Variants in HOXA1 observed in about 807,000 individuals in gnomAD.
The protein encoded by HOXA1 is homeobox protein Hox-A1.
In HOXA1, 21 loss-of-function variants were observed where a neutral mutation model predicts 28.3. The ratio of observed to expected loss-of-function variants is 0.74; its 90% CI spans 0.53 to 1.07. HOXA1 has a LOEUF of 1.07. Ranked by LOEUF, HOXA1 falls within the 50% of genes least tolerant of loss-of-function variation. The pLI is 0.00. For synonymous variants in HOXA1, 208 were observed against 181.2 expected, an observed-to-expected ratio of 1.15 and a Z score of -1.19; for missense variants, 446 against 434.3, an observed-to-expected ratio of 1.03 and a Z score of -0.24.
chr7:27,095,589 G>T lies in HOXA1; in HGVS notation c.324C>A (p.Tyr108Ter). 1 of 1,614,188 alleles carries T rather than the reference G, an allele frequency of 6.2e-7. No individual in the cohort carries two copies. The highest frequency in any genetic ancestry group is 8.5e-7 in the Non-Finnish European group (1 of 1,180,034). Residue 108 changes from tyrosine to a stop codon, truncating the protein, a stop_gained, in exon 1 of 2, where the codon TAC becomes TAA. Transcript: ENST00000643460. LOFTEE classifies it high-confidence loss of function. ...SYGSQNFSAPYSPYALNQEAD... is the reference protein window; with the variant it reads ...SYGSQNFSAP ...CTTCCTGATTTAACGCGTAGGGGCT[G>T]TAAGGCGCACTGAAGTTCTGTGAGC...
chr7:27,094,271 G>T lies in HOXA1; in HGVS notation c.*169C>A. ...GGTGTTAACCCCGCACCAAGTCTCT[G>T]GTCCAGAATTATCTGCAAATATATT... On this transcript the variant is annotated 3_prime_UTR_variant, in exon 2 of 2. Transcript: ENST00000643460. 3.2e-6 allele frequency: 2 copies of T among 620,502 alleles called. No homozygotes were observed. 38.4% of individuals were successfully genotyped at this position (620,502 alleles called of 1,614,324 possible). A position where few individuals can be genotyped will look rare whatever the true frequency, so the allele number is the denominator to read the frequency against.
Position 27,094,607 on chromosome 7 carries a change from G to C in HOXA1, c.841C>G (p.Arg281Gly). 6.2e-7 allele frequency: 1 copy of C among 1,614,120 alleles called. No individual in the cohort carries two copies. The highest frequency in any genetic ancestry group is 8.5e-7 in the Non-Finnish European group (1 of 1,180,026). ...TTCTCACGTTTCTTTTGCTTCATTC[G>C]GCGGTTCTGGAACCAGATCTTCACT... ...TQVKIWFQNRRMKQKKREKEG... is the reference protein window; with the variant it reads ...TQVKIWFQNRGMKQKKREKEG... The change falls in exon 2 of 2, where the codon CGA (arginine) becomes GGA (glycine). Residue 281 changes from arginine (R) to glycine (G), a missense_variant. Physicochemically the swap from Arg to Gly is moderately radical, Grantham distance 125. Transcript: ENST00000643460.
At position 27,094,401 on chromosome 7, in the gene HOXA1, A is replaced by C. The variant is rs764103639; in HGVS notation, c.*39T>G. 2.4e-5 allele frequency: 33 copies of C among 1,397,122 alleles called. No homozygotes were observed. Among genetic ancestry groups the C allele is most frequent in the Non-Finnish European group, 3.2e-5 (31 of 982,798 alleles). 86.5% of individuals were successfully genotyped at this position (1,397,122 alleles called of 1,614,324 possible). On this transcript the variant is annotated 3_prime_UTR_variant, in exon 2 of 2. Transcript: ENST00000643460. ...TGCTTTGGGTAAGAAGTCCCAGCCC[A>C]AGGAGATGCCTGGGCTGTTGTCTGG...
intron 1 of HOXA1, 85 bp downstream of exon 1, chr7:27,095,176 A>G (rs1272144479): frequency 1.4e-5 from 20 of 1,440,864 alleles, no homozygotes; most frequent in Non-Finnish European, 1.6e-5. Context: ...TTTAAAAAAA[A>G]GATCATTATT....
In HOXA1 at chr7:27,095,694, G is replaced by GTGA. The variant is rs766665411; in HGVS notation, c.218_219insTCA (p.His74dup). On this transcript the variant is annotated inframe_insertion, in exon 1 of 2. Coordinates refer to ENST00000643460, the MANE Select transcript of HOXA1 (RefSeq NM_005522.5). ...TCTGGTAGGTAGCCGGCTGGGGGTGGCGATGGTGGTGGTGGTGGTGGTGGT... is the reference window on the plus strand; with the variant it reads ...TCTGGTAGGTAGCCGGCTGGGGGTGGTGACGATGGTGGTGGTGGTGGTGGTGGT... The GTGA allele has an allele frequency of 7.1e-7, 1 of 1,415,900 alleles. No individual in the cohort carries two copies. The highest frequency in any genetic ancestry group is 2.6e-5 in the East Asian group (1 of 38,996). The allele number at this position is 1,415,900 out of a possible 1,614,324, so 87.7% of individuals were successfully genotyped here.
chr7:27,095,118 C>G (rs1783788111), intron 1 of HOXA1, 143 bp downstream of exon 1: 1 of 920,754 alleles, frequency 1.1e-6, no homozygotes, highest in Non-Finnish European at 1.7e-6. Flanking sequence ...CCCAACACCT[C>G]TGGGCACCCT....
At position 27,094,549 on chromosome 7, in the gene HOXA1, G is replaced by A. The variant is rs756302694; in HGVS notation, c.899C>T (p.Pro300Leu). ...CTCGGCCTTCTCGTCGTTTCCTGGC[G>A]GGGTGGCCGGAGAGATGGGCAAGAG... ...EGLLPISPATPPGNDEKAEES... is the reference protein window; with the variant it reads ...EGLLPISPATLPGNDEKAEES... The change falls in exon 2 of 2, where the codon CCG becomes CTG. Residue 300 changes from proline (P) to leucine (L), a missense_variant. Physicochemically the swap from Pro to Leu is moderately conservative, Grantham distance 98. Transcript: ENST00000643460. 3.7e-6 allele frequency: 6 copies of A among 1,614,058 alleles called. No individual in the cohort carries two copies. The highest frequency in any genetic ancestry group is 1.1e-5 in the South Asian group (1 of 91,086).
chr7:27,095,842 G>A lies in HOXA1; in HGVS notation c.71C>T (p.Ser24Leu), dbSNP rs886062262. 1 of 1,613,744 alleles carries A rather than the reference G, an allele frequency of 6.2e-7. No homozygotes were observed. Reference protein sequence around the residue: ...ILSSGDSGTCSARAYPSDHRI... With the variant: ...ILSSGDSGTCLARAYPSDHRI... ...ATGGTCCGAGGGGTAGGCTCGGGCT[G>A]AGCAGGTCCCCGAGTCGCCACTGCT... The change falls in exon 1 of 2, where the codon TCA becomes TTA. Residue 24 changes from serine to leucine, a missense_variant. Physicochemically the swap from Ser to Leu is moderately radical, Grantham distance 145. Coordinates refer to ENST00000643460, the MANE Select transcript of HOXA1 (RefSeq NM_005522.5).
Position 27,094,430 on chromosome 7 carries a change from T to C in HOXA1, c.*10A>G. The C allele has an allele frequency of 3.1e-6, 5 of 1,598,198 alleles. No homozygotes were observed. Among genetic ancestry groups the C allele is most frequent in the Non-Finnish European group, 4.3e-6 (5 of 1,165,824 alleles). ...AGATGCCTGGGCTGTTGTCTGGGGC[T>C]GGAGCCGCCTCAGTGGGAGGTAGTC... is the stretch of plus-strand genomic sequence containing the variant. On this transcript the variant is annotated 3_prime_UTR_variant, in exon 2 of 2. Transcript: ENST00000643460.
rs1783763499 is a variant in HOXA1 at position 27,094,269 on chromosome 7, C to G, written c.*171G>C. The G allele has an allele frequency of 3.2e-6, 2 of 618,464 alleles. No individual in the cohort carries two copies. Among genetic ancestry groups the G allele is most frequent in the Non-Finnish European group, 2.9e-6 (1 of 348,442 alleles). The allele number at this position is 618,464 out of a possible 1,614,324, so 38.3% of individuals were successfully genotyped here. ...AAGGTGTTAACCCCGCACCAAGTCT[C>G]TGGTCCAGAATTATCTGCAAATATA... On this transcript the variant is annotated 3_prime_UTR_variant, in exon 2 of 2. Transcript: ENST00000643460.
chr7:27,094,396 A>G lies in HOXA1; in HGVS notation c.*44T>C. Reference sequence around the variant, plus strand: ...GCATGTGCTTTGGGTAAGAAGTCCCAGCCCAAGGAGATGCCTGGGCTGTTG... The same window carrying G: ...GCATGTGCTTTGGGTAAGAAGTCCCGGCCCAAGGAGATGCCTGGGCTGTTG... On this transcript the variant is annotated 3_prime_UTR_variant, in exon 2 of 2. Coordinates refer to ENST00000643460, the MANE Select transcript of HOXA1 (RefSeq NM_005522.5). The G allele has an allele frequency of 7.4e-7, 1 of 1,349,690 alleles. No homozygotes were observed. Among genetic ancestry groups the G allele is most frequent in the South Asian group, 1.2e-5 (1 of 85,578 alleles). 83.6% of individuals were successfully genotyped at this position (1,349,690 alleles called of 1,614,324 possible).
Position 27,095,991 on chromosome 7 carries a change from G to GA in HOXA1, c.-80dup, listed in dbSNP as rs1400508848. The GA allele has an allele frequency of 2.9e-6, 2 of 694,004 alleles. No individual in the cohort carries two copies. The highest frequency in any genetic ancestry group is 4.4e-5 in the African/African-American group (2 of 45,476). The allele number at this position is 694,004 out of a possible 1,614,324, so 43.0% of individuals were successfully genotyped here. On this transcript the variant is annotated 5_prime_UTR_variant, in exon 1 of 2. Transcript: ENST00000643460. ...TCACTTCCTCCATGGGGCCGGAGAA[G>GA]AAAAATGATATGAATGTACAGTGCG...
At position 27,094,640 on chromosome 7, in the gene HOXA1, C is replaced by G; in HGVS notation, c.808G>C (p.Glu270Gln). ...TGGAACCAGATCTTCACTTGGGTCT[C>G]GTTGAGCTGCAGGGATGCAGCGATC... ...VEIAASLQLN[E>Q]TQVKIWFQNR... is the part of the protein sequence containing the mutation. The change falls in exon 2 of 2, where the codon GAG becomes CAG. Residue 270 changes from glutamate to glutamine, a missense_variant. Coordinates refer to ENST00000643460, the MANE Select transcript of HOXA1 (RefSeq NM_005522.5). The G allele has an allele frequency of 6.2e-7, 1 of 1,614,100 alleles. No individual in the cohort carries two copies. The highest frequency in any genetic ancestry group is 8.5e-7 in the Non-Finnish European group (1 of 1,180,024).
At chr7:27,095,146 C>G in intron 1 of HOXA1, 115 bp downstream of exon 1, 1 of 1,170,130 alleles carries the variant, frequency 8.5e-7, no homozygotes, top group Non-Finnish European at 1.2e-6. Context: ...CACTACAACA[C>G]TAGTCTGATA....
At position 27,094,716 on chromosome 7, in the gene HOXA1, C is replaced by T; in HGVS notation, c.732G>A (p.Leu244=). ...ACTTGTTGAAGTGGAACTCCTTCTC[C>T]AGTTCCGTGAGCTGCTTGGTAGTGA... ...TNFTTKQLTE[L]EKEFHFNKYL... is the part of the protein sequence containing the mutation. Residue 244 remains leucine, a synonymous_variant, in exon 2 of 2, where the codon CTG becomes CTA. Transcript: ENST00000643460. 3 of 1,614,196 alleles carry T rather than the reference C, an allele frequency of 1.9e-6. No homozygotes were observed. The highest frequency in any genetic ancestry group is 2.5e-6 in the Non-Finnish European group (3 of 1,180,040).
In HOXA1 at chr7:27,095,366, G is replaced by C. The variant is rs772110381; in HGVS notation, c.547C>G (p.Leu183Val). ...CAGGCTTCTTGGTGGCTGGCGTGGA[G>C]AGGGGACAAGGAGTTATTATACGTA... Reference protein sequence around the residue: ...LATYNNSLSPLHASHQEACRS... With the variant: ...LATYNNSLSPVHASHQEACRS... Residue 183 changes from leucine to valine, a missense_variant, in exon 1 of 2, where the codon CTC (leucine) becomes GTC (valine). Leu to Val is a conservative substitution (Grantham distance 32). Coordinates refer to ENST00000643460, the MANE Select transcript of HOXA1 (RefSeq NM_005522.5). 1 of 1,614,064 alleles carries C rather than the reference G, an allele frequency of 6.2e-7. No homozygotes were observed. Among genetic ancestry groups the C allele is most frequent in the South Asian group, 1.1e-5 (1 of 91,070 alleles).
At chr7:27,095,149 G>A in intron 1 of HOXA1, 112 bp downstream of exon 1, 1 of 1,203,162 alleles carries the variant, frequency 8.3e-7, no homozygotes, top group Non-Finnish European at 1.2e-6. Context: ...TACAACACTA[G>A]TCTGATACAA....
At position 27,094,483 on chromosome 7, in the gene HOXA1, G is replaced by T; in HGVS notation, c.965C>A (p.Ser322Tyr). ...EKSSSSPCVP[S>Y]PGSSTSDTLT... ...AGTGTCTGAGGTAGAAGACCCCGGG[G>T]AAGGAACGCAGGGCGAAGAGCTGGA... Residue 322 changes from serine (S) to tyrosine (Y), a missense_variant, in exon 2 of 2, where the codon TCC becomes TAC. Transcript: ENST00000643460. 6.2e-7 allele frequency: 1 copy of T among 1,614,230 alleles called. No homozygotes were observed. The highest frequency in any genetic ancestry group is 8.5e-7 in the Non-Finnish European group (1 of 1,180,028).
rs766226303 is a variant in HOXA1 at position 27,095,914 on chromosome 7, T to C, written c.-2A>G. On this transcript the variant is annotated 5_prime_UTR_variant, in exon 1 of 2. Coordinates refer to ENST00000643460, the MANE Select transcript of HOXA1 (RefSeq NM_005522.5). ...GGAGTTCATTCTTGCATTGTCCATC[T>C]GTCACTGAGTGACCTGGTCCTGCGA... 3.1e-6 allele frequency: 5 copies of C among 1,613,078 alleles called. No individual in the cohort carries two copies. Among genetic ancestry groups the C allele is most frequent in the Admixed American group, 3.3e-5 (2 of 60,002 alleles).
Sources: gnomAD v4.1 joint callset for allele counts on GRCh38, gnomAD v4.1.1 for gene constraint, MANE v1.5 for transcripts, NCBI Gene and HGNC (gene_info 2026-07-23, HGNC 2026-07-21) for gene names.